Variants in ALPK1 observed in about 807,000 individuals in gnomAD.
The protein encoded by ALPK1 is alpha kinase 1.
ALPK1 carries 110 observed loss-of-function variants against 120.6 expected under a neutral mutation model. That is an observed-to-expected ratio of 0.91 (90% CI 0.78 to 1.07). The LOEUF (loss-of-function observed/expected upper bound fraction) is 1.07. Among genes scored for constraint, ALPK1 ranks in the 50% least tolerant of loss-of-function variants. ALPK1 has a pLI of 0.00. For synonymous variants in ALPK1, 582 were observed against 560.3 expected (o/e 1.04, Z -0.55); for missense variants, 1,498 against 1,483.9 (o/e 1.01, Z -0.16).
At chr4:112,434,823 G>A (rs933481753) in intron 11 of ALPK1, among the ~76,000 whole-genome samples, 5 of 152,130 alleles carry the variant, frequency 3.3e-5, no homozygotes, top group African/African-American at 1.2e-4. Context: ...GGTCTCTGGG[G>A]TTTTCTGATT....
intron 1 of ALPK1, among the ~76,000 whole-genome samples, chr4:112,310,463 G>A (rs1028235485): frequency 6.6e-6 from 1 of 151,970 alleles, no homozygotes; most frequent in Admixed American, 6.6e-5. Flanking sequence ...TGTATCAGCG[G>A]GTATGTGTTT....
At chr4:112,310,923 C>A (rs546816720) in intron 1 of ALPK1, among the ~76,000 whole-genome samples, 6 of 152,180 alleles carry the variant, frequency 3.9e-5, no homozygotes, top group African/African-American at 1.4e-4. Flanking sequence ...GCGGAAGTAG[C>A]ACTACAGAAT....
In ALPK1 at chr4:112,311,509, G is replaced by A. The variant is rs191352023; in HGVS notation, c.-152-4292G>A. Among the ~76,000 whole-genome samples the A allele has an allele frequency of 8.5e-4, 130 of 152,200 alleles. 1 individual carries two copies. The highest frequency in any genetic ancestry group is 2.1e-3 in the South Asian group (10 of 4,818). ...ACTCCATCTCTCTACCTCAGGCTGCGCACTTAATCCATTCTAACCCTGCTG... is the reference window on the plus strand; with the variant it reads ...ACTCCATCTCTCTACCTCAGGCTGCACACTTAATCCATTCTAACCCTGCTG... On this transcript the variant is annotated intron_variant, in intron 1 of 15. Coordinates refer to ENST00000650871, the MANE Select transcript of ALPK1 (RefSeq NM_025144.4).
chr4:112,330,427 A>G, intron 2 of ALPK1, among the ~76,000 whole-genome samples: 1 of 152,188 alleles, frequency 6.6e-6, no homozygotes, highest in Non-Finnish European at 1.5e-5. Flanking sequence ...GGGAGAGGGG[A>G]AAAAGGAAAT....
intron 5 of ALPK1, among the ~76,000 whole-genome samples, chr4:112,418,686 A>G (rs1435290376): frequency 6.6e-6 from 1 of 152,178 alleles, no homozygotes; most frequent in Non-Finnish European, 1.5e-5. Context: ...ATCCATCCCC[A>G]TGATCACAAA....
chr4:112,439,149 T>A (rs1285355632), intron 13 of ALPK1, among the ~76,000 whole-genome samples: 1 of 152,184 alleles, frequency 6.6e-6, no homozygotes, highest in African/African-American at 2.4e-5. Flanking sequence ...ACCCCGAATA[T>A]ATTAGATCCT....
At chr4:112,370,679 C>A (rs1434886052) in intron 2 of ALPK1, among the ~76,000 whole-genome samples, 1 of 152,206 alleles carries the variant, frequency 6.6e-6, no homozygotes, top group Non-Finnish European at 1.5e-5. Context: ...CAAGTCTGGA[C>A]AGATGGTTGG....
intron 2 of ALPK1, chr4:112,343,459 T>G (rs1181064894): frequency 6.6e-6 from 1 of 152,106 alleles, no homozygotes; most frequent in Non-Finnish European, 1.5e-5. Flanking sequence ...AGCAACACCC[T>G]CAGCCTGCCT....
At chr4:112,416,887 A>C (rs1056206277) in intron 5 of ALPK1, among the ~76,000 whole-genome samples, 1 of 151,958 alleles carries the variant, frequency 6.6e-6, no homozygotes, top group Non-Finnish European at 1.5e-5. Flanking sequence ...AAAAAAAAAA[A>C]AAAAAACTTT....
chr4:112,410,737 G>C (rs1299297959), intron 4 of ALPK1, among the ~76,000 whole-genome samples: 1 of 152,172 alleles, frequency 6.6e-6, no homozygotes, highest in Non-Finnish European at 1.5e-5. Context: ...AAAAGATGAT[G>C]ATGTTTTTTC....
Position 112,442,293 on chromosome 4 carries a change from G to T in ALPK1, c.*1083G>T, listed in dbSNP as rs914472496. The T allele has an allele frequency of 6.6e-6, 1 of 152,176 alleles. No individual in the cohort carries two copies. Among genetic ancestry groups the T allele is most frequent in the African/African-American group, 2.4e-5 (1 of 41,442 alleles). The allele number at this position is 152,176 out of a possible 1,614,324, so 9.4% of individuals were successfully genotyped here. A position where few individuals can be genotyped will look rare whatever the true frequency, so the allele number is the denominator to read the frequency against. On this transcript the variant is annotated 3_prime_UTR_variant, in exon 16 of 16. Coordinates refer to ENST00000650871, the MANE Select transcript of ALPK1 (RefSeq NM_025144.4). ...CATATCACAATGTAACCATAAAAAAGAATGAGATCATGTCCTTTGCAGGGA... is the reference window on the plus strand; with the variant it reads ...CATATCACAATGTAACCATAAAAAATAATGAGATCATGTCCTTTGCAGGGA...
intron 3 of ALPK1, 77 bp from the exon 4 acceptor site, chr4:112,382,321 T>C (rs1035210076): frequency 1.9e-6 from 2 of 1,047,264 alleles, no homozygotes; most frequent in African/African-American, 3.7e-5. Flanking sequence ...GCCACTGAGG[T>C]GCTTCATCAT....
At chr4:112,356,744 G>T (rs1188954916) in intron 2 of ALPK1, 6 of 828,052 alleles carry the variant, frequency 7.2e-6, no homozygotes, top group Non-Finnish European at 1.3e-5. Context: ...CAAGCACGGA[G>T]TATGCCCTTA....
intron 2 of ALPK1, among the ~76,000 whole-genome samples, chr4:112,333,948 A>G (rs376535287): frequency 5.3e-5 from 8 of 151,836 alleles, no homozygotes; most frequent in African/African-American, 1.9e-4. Context: ...TTTTTTGGTA[A>G]ACAGCATAAA....
At chr4:112,423,275 T>G (rs7683596) in intron 5 of ALPK1, among the ~76,000 whole-genome samples, 71,966 of 151,990 alleles carry the variant, frequency 0.47, 17,325 homozygotes, top group East Asian at 0.71. Flanking sequence ...TCTGATGTGG[T>G]AATGAGCCTG....
At position 112,427,559 on chromosome 4, in the gene ALPK1, T is replaced by G. The variant is rs1205227852; in HGVS notation, c.700-11T>G. On this transcript the variant is annotated splice_polypyrimidine_tract_variant and intron_variant, in intron 8 of 15. Transcript: ENST00000650871. ...TTCCCGATCTGTGACTTCTTTGTGT[T>G]TTTCTTACAGGGCCTCTCCACGTCG... is the stretch of plus-strand genomic sequence containing the variant. The G allele has an allele frequency of 1.9e-6, 3 of 1,610,060 alleles. No individual in the cohort carries two copies. In the South Asian group the frequency reaches 3.3e-5, roughly 18 times the overall value.
At chr4:112,305,797 T>G (rs1375286304) in intron 1 of ALPK1, among the ~76,000 whole-genome samples, 3 of 151,808 alleles carry the variant, frequency 2.0e-5, no homozygotes, top group African/African-American at 7.3e-5. Flanking sequence ...TGAATAGGAG[T>G]GGTGAGAGAA....
intron 2 of ALPK1, among the ~76,000 whole-genome samples, chr4:112,355,577 G>A (rs1411802497): frequency 2.0e-5 from 3 of 152,242 alleles, no homozygotes; most frequent in African/African-American, 7.2e-5. Context: ...GCTGGGCCTA[G>A]GGAGGTGGCA....
chr4:112,412,038 C>A lies in ALPK1; in HGVS notation c.475+13C>A. 1 of 1,613,438 alleles carries A rather than the reference C, an allele frequency of 6.2e-7. No individual in the cohort carries two copies. Among genetic ancestry groups the A allele is most frequent in the Non-Finnish European group, 8.5e-7 (1 of 1,179,992 alleles). ...TCCGTGAACTCAGGTATGCTCCCTC[C>A]TGCTGGCCGCCCCCGCGTCCTCAGT... On this transcript the variant is annotated intron_variant, in intron 5 of 15. Coordinates refer to ENST00000650871, the MANE Select transcript of ALPK1 (RefSeq NM_025144.4).
Sources: allele counts gnomAD v4.1 joint callset (sites outside exome capture counted in the v4.1 genomes callset), GRCh38; gene constraint gnomAD v4.1.1; transcripts MANE v1.5; gene names NCBI Gene and HGNC (gene_info 2026-07-23, HGNC 2026-07-21).